The following OPHN1 variants were observed in gnomAD, a reference collection of about 807,000 sequenced individuals.
The protein encoded by OPHN1 is oligophrenin 1, also known as oligophrenin-1.
In OPHN1, 11 loss-of-function variants were observed where a neutral mutation model predicts 60.7. That is an observed-to-expected ratio of 0.18 (90% CI 0.11 to 0.30). The LOEUF is 0.30. OPHN1 is among the 10% of genes least tolerant of loss of function. The probability of loss-of-function intolerance (pLI) is 1.00; values close to 1 mark genes in which losing one functional copy is unlikely to be tolerated. For synonymous variants in OPHN1, 226 were observed against 222.6 expected (o/e 1.02, Z -0.14); for missense variants, 449 against 611.0 (o/e 0.73, Z 2.80).
intron 6 of OPHN1, among the ~76,000 whole-genome samples, chrX:68,217,171 G>A (rs1033772321): frequency 6.3e-5 from 7 of 111,944 alleles, no homozygotes; most frequent in Non-Finnish European, 7.5e-5. Context: ...GGTGACGGAT[G>A]GCACCTGGAA....
intron 2 of OPHN1, among the ~76,000 whole-genome samples, chrX:68,302,133 T>C (rs1035422973): frequency 8.9e-6 from 1 of 112,491 alleles, no homozygotes; most frequent in African/African-American, 3.2e-5. Flanking sequence ...TTATCATTTC[T>C]TCATGGACAT....
At chrX:68,328,665 A>G (rs1195923573) in intron 2 of OPHN1, among the ~76,000 whole-genome samples, 1 of 112,016 alleles carries the variant, frequency 8.9e-6, no homozygotes, top group Non-Finnish European at 1.9e-5. Context: ...TATTTGTAAC[A>G]TATATAACAA....
chrX:68,213,537 C>T (rs1158384961), intron 7 of OPHN1, among the ~76,000 whole-genome samples: 1 of 108,373 alleles, frequency 9.2e-6, no homozygotes, highest in Admixed American at 1.0e-4. Context: ...CTTTCAGAAG[C>T]TTCTGAAAGC....
At chrX:68,370,053 C>T (rs1449716628) in intron 2 of OPHN1, among the ~76,000 whole-genome samples, 4 of 79,290 alleles carry the variant, frequency 5.0e-5, no homozygotes, top group East Asian at 3.7e-4. Flanking sequence ...TAGAACCTGT[C>T]AACCAAGAAT....
chrX:68,222,376 C>A (rs1303207118), intron 6 of OPHN1, among the ~76,000 whole-genome samples: 132 of 108,169 alleles, frequency 1.2e-3, no homozygotes, highest in Non-Finnish European at 2.2e-3. Flanking sequence ...TGTGGCGATT[C>A]CTCAGGGATC....
At chrX:68,428,837 T>C (rs746759164) in intron 2 of OPHN1, among the ~76,000 whole-genome samples, 1 of 111,936 alleles carries the variant, frequency 8.9e-6, no homozygotes, top group African/African-American at 3.2e-5. Context: ...AGGGATGGTA[T>C]TTTTATTTTC....
At chrX:68,192,650 C>A in intron 15 of OPHN1, 1 of 354,229 alleles carries the variant, frequency 2.8e-6, no homozygotes, top group Non-Finnish European at 5.0e-6. Context: ...CTAAGCCTGG[C>A]CACACAGTTC....
At chrX:68,294,252 C>A (rs2078083299) in intron 3 of OPHN1, among the ~76,000 whole-genome samples, 1 of 110,024 alleles carries the variant, frequency 9.1e-6, no homozygotes, top group African/African-American at 3.3e-5. Context: ...AGGCGGATTA[C>A]CTGAGGTCAG....
chrX:68,410,376 A>G (rs1167348907), intron 2 of OPHN1, among the ~76,000 whole-genome samples: 3 of 111,060 alleles, frequency 2.7e-5, no homozygotes, highest in African/African-American at 9.8e-5. Context: ...GTGTTCTCAC[A>G]TGGCAGAAGG....
chrX:68,198,530 C>T (rs2077521996), intron 11 of OPHN1, among the ~76,000 whole-genome samples: 1 of 111,921 alleles, frequency 8.9e-6, no homozygotes, highest in South Asian at 3.8e-4. Flanking sequence ...TCTTTATGGT[C>T]TTTTTAGATC....
chrX:68,305,710 C>T (rs1044005028), intron 2 of OPHN1, among the ~76,000 whole-genome samples: 1 of 112,491 alleles, frequency 8.9e-6, no homozygotes, highest in Non-Finnish European at 1.9e-5. Context: ...TCATTAGCTG[C>T]CCACTAAGCA....
rs139189745 is a variant in OPHN1 at position 68,089,149 on chromosome X, A to G, written c.1686+7721T>C. 4.9e-3 allele frequency among the ~76,000 whole-genome samples: 544 copies of G among 111,686 alleles called. 16 individuals carry two copies. In the East Asian group the frequency reaches 0.085, roughly 17 times the overall value. On this transcript the variant is annotated intron_variant, in intron 19 of 24. Transcript: ENST00000355520. ...CTGAAGCTCAGTCTGCTTTAAGTCTAGCTGCCAAAGTACACCTATCTGGCC... is the reference window on the plus strand; with the variant it reads ...CTGAAGCTCAGTCTGCTTTAAGTCTGGCTGCCAAAGTACACCTATCTGGCC...
At chrX:68,060,678 TG>T (rs1323049550) in intron 21 of OPHN1, among the ~76,000 whole-genome samples, 2 of 111,929 alleles carry the variant, frequency 1.8e-5, no homozygotes, top group African/African-American at 6.5e-5. Context: ...GGGGTGAAGA[TG>T]GGGGCAGGAC....
At chrX:68,206,803 T>C in intron 9 of OPHN1, 130 bp from the exon 10 acceptor site, 1 of 527,980 alleles carries the variant, frequency 1.9e-6, no homozygotes, top group Non-Finnish European at 3.3e-6. Flanking sequence ...GCCCTTGCCC[T>C]GACCGCCCTC....
chrX:68,193,831 C>T (rs1256350289), intron 14 of OPHN1, 59 bp downstream of exon 14: 1 of 1,003,260 alleles, frequency 1.0e-6, no homozygotes, highest in African/African-American at 1.9e-5. Context: ...AGAAATTGCC[C>T]AGGATAAAAT....
intron 2 of OPHN1, chrX:68,336,332 G>C (rs2147684044): frequency 9.2e-6 from 1 of 109,169 alleles, no homozygotes; most frequent in African/African-American, 3.3e-5. Flanking sequence ...AGACCAACCT[G>C]GGCAACAGAC....
At chrX:68,086,777 T>C (rs1484426638) in intron 19 of OPHN1, among the ~76,000 whole-genome samples, 1 of 111,595 alleles carries the variant, frequency 9.0e-6, no homozygotes, top group Non-Finnish European at 1.9e-5. Context: ...GGTTCTTCTG[T>C]AGCTGAAAAA....
intron 2 of OPHN1, among the ~76,000 whole-genome samples, chrX:68,327,996 A>AT (rs2078274424): frequency 1.0e-5 from 1 of 97,491 alleles, no homozygotes; most frequent in African/African-American, 4.0e-5. Context: ...CGCCCGGCTA[A>AT]TTTTTTGTAT....
chrX:68,277,019 G>T (rs1019219109), intron 4 of OPHN1, among the ~76,000 whole-genome samples: 1 of 111,327 alleles, frequency 9.0e-6, no homozygotes, highest in African/African-American at 3.3e-5. Context: ...CAGAAGAATC[G>T]CCCAGCTGAC....
Sources: allele counts gnomAD v4.1 joint callset (sites outside exome capture counted in the v4.1 genomes callset), GRCh38; gene constraint gnomAD v4.1.1; transcripts MANE v1.5; gene names NCBI Gene and HGNC (gene_info 2026-07-23, HGNC 2026-07-21).